The following MAPK9 variants were observed in gnomAD, a reference collection of about 807,000 sequenced individuals.
MAPK9 encodes the protein mitogen-activated protein kinase 9.
In MAPK9, 30 loss-of-function variants were observed where a neutral mutation model predicts 57.1. The ratio of observed to expected loss-of-function variants is 0.53; its 90% CI spans 0.39 to 0.71. The LOEUF (loss-of-function observed/expected upper bound fraction) is 0.71. MAPK9 is among the 30% of genes least tolerant of loss of function. The probability of loss-of-function intolerance (pLI) is 0.00; values close to 1 mark genes in which losing one functional copy is unlikely to be tolerated. For synonymous variants in MAPK9, 155 were observed against 177.0 expected, an observed-to-expected ratio of 0.88 and a Z score of 0.99; for missense variants, 362 against 521.0, an observed-to-expected ratio of 0.69 and a Z score of 2.97.
chr5:180,254,666 C>A (rs954436493), intron 5 of MAPK9, among the ~76,000 whole-genome samples: 1 of 152,090 alleles, frequency 6.6e-6, no homozygotes, highest in Non-Finnish European at 1.5e-5. Context: ...TCTCAGAATA[C>A]AAGGAATAAA....
chr5:180,255,123 G>A (rs1759135631), intron 5 of MAPK9, among the ~76,000 whole-genome samples: 1 of 151,414 alleles, frequency 6.6e-6, no homozygotes, highest in Non-Finnish European at 1.5e-5. Context: ...GAGCGCAACT[G>A]ATCTGTAACT....
chr5:180,238,605 C>CTT (rs869035444), intron 10 of MAPK9, among the ~76,000 whole-genome samples: 2 of 129,626 alleles, frequency 1.5e-5, no homozygotes, highest in Non-Finnish European at 1.6e-5. Flanking sequence ...TTTTCTTCTT[C>CTT]TTCTTTTTTT....
At chr5:180,254,285 C>T (rs986806145) in intron 5 of MAPK9, among the ~76,000 whole-genome samples, 1 of 152,124 alleles carries the variant, frequency 6.6e-6, no homozygotes, top group African/African-American at 2.4e-5. Flanking sequence ...CAATCTTAAA[C>T]ATGATCCAAC....
In MAPK9 at chr5:180,242,733, A is replaced by G. The variant is rs34195566; in HGVS notation, c.711T>C (p.Val237=). The change falls in exon 8 of 12, where the codon GTT becomes GTC. Residue 237 remains valine, a synonymous_variant. Transcript: ENST00000452135. The part of the protein sequence containing the change: ...GTDHIDQWNK[V]IEQLGTPSAE... ...CTGATGGTGTTCCCAGCTGCTCAATAACTTTATTCCACTGATCAATATCTA... is the reference window on the plus strand; with the variant it reads ...CTGATGGTGTTCCCAGCTGCTCAATGACTTTATTCCACTGATCAATATCTA... The G allele has an allele frequency of 1.2e-6, 2 of 1,613,488 alleles. No homozygotes were observed. Among genetic ancestry groups the G allele is most frequent in the Non-Finnish European group, 1.7e-6 (2 of 1,179,928 alleles).
At chr5:180,272,021 G>T (rs1222905463) in intron 2 of MAPK9, among the ~76,000 whole-genome samples, 1 of 152,058 alleles carries the variant, frequency 6.6e-6, no homozygotes, top group Non-Finnish European at 1.5e-5. Flanking sequence ...TACTCCACAT[G>T]ATTTGCAGAC....
intron 1 of MAPK9, among the ~76,000 whole-genome samples, chr5:180,287,329 G>A (rs1448520318): frequency 2.0e-5 from 3 of 152,214 alleles, no homozygotes; most frequent in Non-Finnish European, 2.9e-5. Flanking sequence ...ATATGTAACC[G>A]TGGGAGAAAG....
intron 6 of MAPK9, among the ~76,000 whole-genome samples, chr5:180,248,463 G>T (rs1288493600): frequency 6.6e-6 from 1 of 152,242 alleles, no homozygotes; most frequent in Non-Finnish European, 1.5e-5. Flanking sequence ...AAGTTTCAAA[G>T]AGCTCTGATA....
At chr5:180,279,769 G>A (rs1762144161) in intron 2 of MAPK9, 1 of 452,388 alleles carries the variant, frequency 2.2e-6, no homozygotes, top group Non-Finnish European at 4.5e-6. Context: ...GATAGCTGCA[G>A]TCTAGGAAAC....
chr5:180,243,584 A>G (rs1757827245), intron 7 of MAPK9, among the ~76,000 whole-genome samples: 1 of 152,224 alleles, frequency 6.6e-6, no homozygotes, highest in Admixed American at 6.5e-5. Flanking sequence ...CAGCTTAAAA[A>G]AGTGCTCACT....
In MAPK9 at chr5:180,286,596, C is replaced by T. The variant is rs1762792060; in HGVS notation, c.-48+5252G>A. 4.0e-5 allele frequency among the ~76,000 whole-genome samples: 6 copies of T among 151,752 alleles called. 1 individual carries two copies. The South Asian group carries it at 1.2e-3, about 31-fold the overall frequency. On this transcript the variant is annotated intron_variant, in intron 1 of 11. Transcript: ENST00000452135. ...AACAACTAGCATTTGGTTATCACTT[C>T]ACCCACTGTTGGATCCATAGGACCC...
chr5:180,273,139 C>T (rs1051611014), intron 2 of MAPK9, among the ~76,000 whole-genome samples: 11 of 152,208 alleles, frequency 7.2e-5, no homozygotes, highest in East Asian at 3.8e-4. Flanking sequence ...TGATGAATAA[C>T]GGCATTGAGC....
At chr5:180,269,599 T>C (rs1761063292) in intron 2 of MAPK9, among the ~76,000 whole-genome samples, 190 bp from the exon 3 acceptor site, 1 of 152,260 alleles carries the variant, frequency 6.6e-6, no homozygotes, top group African/African-American at 2.4e-5. Flanking sequence ...CTAACTCCTT[T>C]GCAGAGGCAC....
rs1275386804 is a variant in MAPK9, at chr5:180,254,555, A to G, written c.451-5417T>C. On this transcript the variant is annotated intron_variant, in intron 5 of 11. Transcript: ENST00000452135. ...AAGAGGACATTCTGAAAGAAATGAT[A>G]TAAATTTCTCAGACCTCTATAATAT... Among the ~76,000 whole-genome samples, 4 of 152,346 alleles carry G rather than the reference A, an allele frequency of 2.6e-5. No homozygotes were observed. In the East Asian group the frequency reaches 7.7e-4, roughly 29 times the overall value.
At position 180,233,642 on chromosome 5, in the gene MAPK9, CATAAT is replaced by C. The variant is rs745330815; in HGVS notation, c.*2737_*2741del. On this transcript the variant is annotated 3_prime_UTR_variant, in exon 12 of 12. Transcript: ENST00000452135. The stretch of plus-strand genomic sequence containing the variant: ...TATTATTTTCACCAACCAAAACACA[CATAAT>C]ATATTTTATTATAAAACATTAGCAA... 3 of 152,186 alleles carry C rather than the reference CATAAT, an allele frequency of 2.0e-5. No homozygotes were observed. The highest frequency in any genetic ancestry group is 4.4e-5 in the Non-Finnish European group (3 of 68,048). 9.4% of individuals were successfully genotyped at this position (152,186 alleles called of 1,614,324 possible).
At chr5:180,249,583 C>T (rs1045443165) in intron 5 of MAPK9, among the ~76,000 whole-genome samples, 1 of 152,166 alleles carries the variant, frequency 6.6e-6, no homozygotes, top group African/African-American at 2.4e-5. Context: ...CCCCAATACT[C>T]TGACTCTCTC....
At chr5:180,271,975 CATCTT>C (rs1761369172) in intron 2 of MAPK9, among the ~76,000 whole-genome samples, 1 of 152,220 alleles carries the variant, frequency 6.6e-6, no homozygotes, top group African/African-American at 2.4e-5. Flanking sequence ...ATCATTGACA[CATCTT>C]AGCTTCTCAC....
chr5:180,285,148 T>C (rs1428879808), intron 1 of MAPK9, among the ~76,000 whole-genome samples: 1 of 152,248 alleles, frequency 6.6e-6, no homozygotes, highest in East Asian at 1.9e-4. Flanking sequence ...GGCTCTGAGG[T>C]ACACATTTAT....
intron 1 of MAPK9, among the ~76,000 whole-genome samples, chr5:180,288,866 G>A (rs1294610027): frequency 6.6e-6 from 1 of 152,204 alleles, no homozygotes; most frequent in Non-Finnish European, 1.5e-5. Context: ...TTGGTCAGGA[G>A]TTAATAACTG....
Position 180,261,670 on chromosome 5 carries a change from A to G in MAPK9, c.450+14T>C. 1.3e-6 allele frequency: 2 copies of G among 1,577,426 alleles called. No individual in the cohort carries two copies. The highest frequency in any genetic ancestry group is 1.7e-6 in the Non-Finnish European group (2 of 1,164,192). ...GATTGTTTTTAAAAATAAAATTAAT[A>G]CATCACCACTTACTCTATGAATTAT... On this transcript the variant is annotated intron_variant, in intron 5 of 11. Transcript: ENST00000452135.
Sources: allele counts gnomAD v4.1 joint callset (sites outside exome capture counted in the v4.1 genomes callset), GRCh38; gene constraint gnomAD v4.1.1; transcripts MANE v1.5; gene names NCBI Gene and HGNC (gene_info 2026-07-23, HGNC 2026-07-21).